Variants in FNDC3B observed in about 807,000 individuals in gnomAD.
The protein encoded by FNDC3B is fibronectin type III domain containing 3B, also known as fibronectin type III domain-containing protein 3B.
In FNDC3B, 12 loss-of-function variants were observed where a neutral mutation model predicts 151.5. The ratio of observed to expected loss-of-function variants is 0.08; its 90% CI spans 0.05 to 0.13. The LOEUF (loss-of-function observed/expected upper bound fraction) is 0.13. Ranked by LOEUF, FNDC3B falls within the 10% of genes least tolerant of loss-of-function variation. The pLI, the probability that FNDC3B is intolerant of heterozygous loss-of-function variation, is 1.00. For missense variants in FNDC3B, 1,214 were observed against 1,505.3 expected, an observed-to-expected ratio of 0.81 and a Z score of 3.20; for synonymous variants, 528 against 549.0, an observed-to-expected ratio of 0.96 and a Z score of 0.54.
intron 3 of FNDC3B, among the ~76,000 whole-genome samples, chr3:172,175,993 C>G (rs1011012078): frequency 2.6e-5 from 4 of 152,216 alleles, no homozygotes; most frequent in African/African-American, 9.6e-5. Flanking sequence ...TTTACCCCAT[C>G]AGGTGAAAGC....
chr3:172,123,980 C>T (rs142535382), intron 2 of FNDC3B, among the ~76,000 whole-genome samples: 2 of 152,134 alleles, frequency 1.3e-5, no homozygotes, highest in Non-Finnish European at 2.9e-5. Flanking sequence ...TTTCATAGAT[C>T]GGTGTCCACA....
At chr3:172,359,638 A>G (rs1187563424) in intron 22 of FNDC3B, among the ~76,000 whole-genome samples, 1 of 152,194 alleles carries the variant, frequency 6.6e-6, no homozygotes, top group African/African-American at 2.4e-5. Flanking sequence ...TTTTAAAAAG[A>G]TTTTTCATTT....
intron 6 of FNDC3B, among the ~76,000 whole-genome samples, chr3:172,255,447 T>A (rs1728284510): frequency 6.6e-6 from 1 of 152,186 alleles, no homozygotes; most frequent in Non-Finnish European, 1.5e-5. Flanking sequence ...TTTTTGCATT[T>A]TTAGTAGAGA....
intron 4 of FNDC3B, among the ~76,000 whole-genome samples, chr3:172,243,978 G>T (rs1266092528): frequency 1.3e-5 from 2 of 152,122 alleles, no homozygotes; most frequent in Admixed American, 6.5e-5. Context: ...CAGTTCTGTT[G>T]GGTCATAGAG....
chr3:172,140,674 T>C (rs576924412), intron 3 of FNDC3B, among the ~76,000 whole-genome samples: 2 of 152,320 alleles, frequency 1.3e-5, no homozygotes, highest in Admixed American at 1.3e-4. Context: ...GCAAAGGCTG[T>C]GATTGTACGT....
At chr3:172,221,366 A>C (rs948180753) in intron 3 of FNDC3B, among the ~76,000 whole-genome samples, 1 of 152,182 alleles carries the variant, frequency 6.6e-6, no homozygotes, top group Non-Finnish European at 1.5e-5. Flanking sequence ...ATGTTGGTGG[A>C]AAGTCTGGTT....
At chr3:172,282,108 A>T (rs190329913) in intron 6 of FNDC3B, among the ~76,000 whole-genome samples, 1 of 152,238 alleles carries the variant, frequency 6.6e-6, no homozygotes, top group Admixed American at 6.5e-5. Context: ...GGTCGTAGAG[A>T]TGTGAATTTT....
intron 3 of FNDC3B, among the ~76,000 whole-genome samples, chr3:172,190,789 C>T (rs1724468245): frequency 2.0e-5 from 3 of 152,232 alleles, no homozygotes. Context: ...CTGCCTCAGC[C>T]TCCCAAGTAG....
intron 1 of FNDC3B, 144 bp from the exon 2 acceptor site, chr3:172,112,308 G>A (rs955485534): frequency 6.4e-6 from 4 of 625,094 alleles, no homozygotes; most frequent in Admixed American, 5.1e-5. Context: ...CCCCTCTTTG[G>A]GGCCTGACAT....
intron 3 of FNDC3B, among the ~76,000 whole-genome samples, chr3:172,175,148 G>C (rs905634419): frequency 5.3e-5 from 8 of 151,244 alleles, no homozygotes; most frequent in Non-Finnish European, 1.0e-4. Flanking sequence ...TCTCCTTGCC[G>C]TTGTCTCTCT....
rs912670472 is a variant in FNDC3B, at chr3:172,125,776, C to A, written c.112-7695C>A. 1.1e-4 allele frequency among the ~76,000 whole-genome samples: 17 copies of A among 152,318 alleles called. 1 individual carries two copies. The highest frequency in any genetic ancestry group is 3.8e-4 in the African/African-American group (16 of 41,560). On this transcript the variant is annotated intron_variant, in intron 2 of 25. Transcript: ENST00000415807. ...CAGGTATTTCTTAAATCTCTCGCTT[C>A]TACTTTTCCTGTTTTCTAAGGGGAA...
chr3:172,060,513 A>AGAT (rs1214014617), intron 1 of FNDC3B, among the ~76,000 whole-genome samples: 1 of 152,224 alleles, frequency 6.6e-6, no homozygotes, highest in African/African-American at 2.4e-5. Context: ...TTGTAGGAAC[A>AGAT]GATAGATTGC....
At chr3:172,377,479 A>T (rs1374493450) in intron 23 of FNDC3B, among the ~76,000 whole-genome samples, 1 of 152,254 alleles carries the variant, frequency 6.6e-6, no homozygotes, top group African/African-American at 2.4e-5. Context: ...GTTGTTTTCA[A>T]GACCCTGGGG....
chr3:172,247,429 A>G lies in FNDC3B; in HGVS notation c.265-104A>G, dbSNP rs1018140622. 6.3e-6 allele frequency: 8 copies of G among 1,271,676 alleles called. No homozygotes were observed. The Admixed American group carries it at 1.4e-4, about 22-fold the overall frequency. The allele number at this position is 1,271,676 out of a possible 1,614,324, so 78.8% of individuals were successfully genotyped here. A position where few individuals can be genotyped will look rare whatever the true frequency, so the allele number is the denominator to read the frequency against. ...ATACAACATGCATTTGTTTTTTTCTATGGTGGAAGAGAAAAGTAAAATTAA... is the reference window on the plus strand; with the variant it reads ...ATACAACATGCATTTGTTTTTTTCTGTGGTGGAAGAGAAAAGTAAAATTAA... On this transcript the variant is annotated intron_variant, in intron 4 of 25. Coordinates refer to ENST00000415807, the MANE Select transcript of FNDC3B (RefSeq NM_022763.4).
intron 1 of FNDC3B, among the ~76,000 whole-genome samples, chr3:172,075,804 C>T (rs1717981981): frequency 1.3e-5 from 2 of 151,738 alleles, no homozygotes; most frequent in South Asian, 4.2e-4. Context: ...AAAAGTTTCA[C>T]AAATCAATAC....
At chr3:172,152,568 A>G (rs957621177) in intron 3 of FNDC3B, among the ~76,000 whole-genome samples, 1 of 134,002 alleles carries the variant, frequency 7.5e-6, no homozygotes, top group African/African-American at 2.9e-5. Flanking sequence ...CACATTCTCC[A>G]TGGGAAGGGC....
At chr3:172,337,275 A>C in intron 15 of FNDC3B, 55 bp from the exon 16 acceptor site, 1 of 1,213,884 alleles carries the variant, frequency 8.2e-7, no homozygotes, top group Non-Finnish European at 1.2e-6. Flanking sequence ...GATGATGTTT[A>C]CCAATAAAAA....
At chr3:172,123,286 G>A (rs1244293024) in intron 2 of FNDC3B, among the ~76,000 whole-genome samples, 1 of 152,134 alleles carries the variant, frequency 6.6e-6, no homozygotes, top group Non-Finnish European at 1.5e-5. Flanking sequence ...CCATCGTCCT[G>A]CCTAGACCTC....
intron 1 of FNDC3B, among the ~76,000 whole-genome samples, chr3:172,078,613 T>G (rs1718137552): frequency 6.6e-6 from 1 of 152,252 alleles, no homozygotes. Context: ...CATCCTAGCT[T>G]CTTTGAAATG....
Sources: allele counts gnomAD v4.1 joint callset (sites outside exome capture counted in the v4.1 genomes callset), GRCh38; gene constraint gnomAD v4.1.1; transcripts MANE v1.5; gene names NCBI Gene and HGNC (gene_info 2026-07-23, HGNC 2026-07-21).